Variants in CCN4 observed in about 807,000 individuals in gnomAD.
CCN4 encodes the protein cellular communication network factor 4.
CCN4 carries 30 observed loss-of-function variants against 36.7 expected under a neutral mutation model. The observed-to-expected ratio is 0.82, with a 90% CI of 0.61 to 1.11. The LOEUF is 1.11. Among genes scored for constraint, CCN4 ranks in the 50% least tolerant of loss-of-function variants. The probability of loss-of-function intolerance (pLI) is 0.00; values close to 1 mark genes in which losing one functional copy is unlikely to be tolerated. For synonymous variants in CCN4, 191 were observed against 195.4 expected, an observed-to-expected ratio of 0.98 and a Z score of 0.19; for missense variants, 505 against 504.9, an observed-to-expected ratio of 1.00 and a Z score of 0.00.
chr8:133,194,355 G>A (rs1853236219), intron 1 of CCN4, among the ~76,000 whole-genome samples: 2 of 116,674 alleles, frequency 1.7e-5, no homozygotes, highest in African/African-American at 3.3e-5. Flanking sequence ...GGGGGGTGGT[G>A]GTGTGTGGGG....
rs1344088999 is a variant in CCN4, at chr8:133,198,188, G to T, written c.69+6975G>T. Among the ~76,000 whole-genome samples the T allele has an allele frequency of 3.3e-5, 5 of 152,210 alleles. No individual in the cohort carries two copies. In the East Asian group the frequency reaches 9.6e-4, roughly 29 times the overall value. On this transcript the variant is annotated intron_variant, in intron 1 of 4. Coordinates refer to ENST00000250160, the MANE Select transcript of CCN4 (RefSeq NM_003882.4). The stretch of plus-strand genomic sequence containing the variant: ...GGGCAGATCCATCATTTAACAAGCA[G>T]CAGGGGAGCTCACGCTGCTGCTTCT...
intron 3 of CCN4, among the ~76,000 whole-genome samples, chr8:133,224,493 G>A (rs2929966): frequency 0.46 from 70,372 of 151,346 alleles, 16,599 homozygotes; most frequent in East Asian, 0.61. Flanking sequence ...ACCTGCTTTG[G>A]CCTCCCAAAG....
chr8:133,204,919 C>T (rs944759020), intron 1 of CCN4, among the ~76,000 whole-genome samples: 1 of 152,226 alleles, frequency 6.6e-6, no homozygotes, highest in African/African-American at 2.4e-5. Flanking sequence ...CATTCAGAAC[C>T]ACCTGGAAAA....
At chr8:133,226,456 TCTC>T (rs1395566209) in intron 4 of CCN4, among the ~76,000 whole-genome samples, 1 of 152,188 alleles carries the variant, frequency 6.6e-6, no homozygotes, top group East Asian at 1.9e-4. Flanking sequence ...TCTTCTTCCT[TCTC>T]CTTCTTCTCT....
At chr8:133,216,733 C>T (rs1241362383) in intron 2 of CCN4, among the ~76,000 whole-genome samples, 1 of 152,224 alleles carries the variant, frequency 6.6e-6, no homozygotes, top group Non-Finnish European at 1.5e-5. Context: ...AGCTGACAGA[C>T]TTGAGTTTTA....
intron 1 of CCN4, among the ~76,000 whole-genome samples, chr8:133,211,007 G>T (rs1223220120): frequency 3.3e-5 from 5 of 152,210 alleles, no homozygotes; most frequent in Non-Finnish European, 7.3e-5. Context: ...GTCGGGTTTT[G>T]TCTGTTGACT....
chr8:133,201,916 C>G (rs1244719213), intron 1 of CCN4, among the ~76,000 whole-genome samples: 1 of 152,100 alleles, frequency 6.6e-6, no homozygotes, highest in Non-Finnish European at 1.5e-5. Flanking sequence ...ACAAGACCAA[C>G]TAAGTGTTGA....
At chr8:133,216,839 A>T (rs1451516888) in intron 2 of CCN4, among the ~76,000 whole-genome samples, 1 of 152,250 alleles carries the variant, frequency 6.6e-6, no homozygotes, top group Non-Finnish European at 1.5e-5. Context: ...CAAAATAAAT[A>T]AGGAAATGTC....
rs1014144709 is a variant in CCN4, at chr8:133,228,596, G to C, written c.*886G>C. 5.3e-5 allele frequency: 8 copies of C among 152,216 alleles called. No homozygotes were observed. The highest frequency in any genetic ancestry group is 5.2e-4 in the Admixed American group (8 of 15,290). The allele number at this position is 152,216 out of a possible 1,614,324, so 9.4% of individuals were successfully genotyped here. ...ATTGGTAAGGCCTCTGGACTGGCCT[G>C]TCTGGCCCCTGAGAGTGGTGCCCTG... On this transcript the variant is annotated 3_prime_UTR_variant, in exon 5 of 5. Transcript: ENST00000250160.
chr8:133,194,612 T>G (rs1406248566), intron 1 of CCN4, among the ~76,000 whole-genome samples: 4 of 87,334 alleles, frequency 4.6e-5, no homozygotes, highest in Non-Finnish European at 6.9e-5. Context: ...GTGTGTGGGT[T>G]TGTGTAGTGT....
chr8:133,220,051 A>G (rs529886950), intron 2 of CCN4, among the ~76,000 whole-genome samples: 3 of 151,384 alleles, frequency 2.0e-5, no homozygotes, highest in Admixed American at 2.0e-4. Flanking sequence ...TGTAACTGCC[A>G]ACATTCCATA....
In CCN4 at chr8:133,212,911, G is replaced by A; in HGVS notation, c.117G>A (p.Leu39=). The A allele has an allele frequency of 6.2e-7, 1 of 1,611,138 alleles. No individual in the cohort carries two copies. The highest frequency in any genetic ancestry group is 8.5e-7 in the Non-Finnish European group (1 of 1,178,454). ...CCATGGACTTTACCCCAGCTCCACTGGAGGACACCTCCTCACGCCCCCAAT... is the reference window on the plus strand; with the variant it reads ...CCATGGACTTTACCCCAGCTCCACTAGAGGACACCTCCTCACGCCCCCAAT... ...PTTMDFTPAP[L]EDTSSRPQFC... is the part of the protein sequence containing the mutation. The change falls in exon 2 of 5, where the codon CTG becomes CTA. Residue 39 remains leucine, a synonymous_variant. Coordinates refer to ENST00000250160, the MANE Select transcript of CCN4 (RefSeq NM_003882.4).
At chr8:133,211,553 A>G (rs1387659507) in intron 1 of CCN4, among the ~76,000 whole-genome samples, 1 of 152,196 alleles carries the variant, frequency 6.6e-6, no homozygotes, top group African/African-American at 2.4e-5. Context: ...TAAAGGAGGA[A>G]AGAATTTGTC....
At chr8:133,213,178 T>A in intron 2 of CCN4, 35 bp downstream of exon 2, 1 of 1,572,850 alleles carries the variant, frequency 6.4e-7, no homozygotes, top group South Asian at 1.1e-5. Context: ...GACCAGCCCC[T>A]GAGCACCCCC....
intron 1 of CCN4, among the ~76,000 whole-genome samples, chr8:133,202,862 G>A (rs1853637753): frequency 6.6e-6 from 1 of 152,244 alleles, no homozygotes; most frequent in Non-Finnish European, 1.5e-5. Context: ...AGAGGTGTTT[G>A]TTACCTGTGG....
intron 1 of CCN4, among the ~76,000 whole-genome samples, chr8:133,210,772 C>T (rs959195378): frequency 2.0e-5 from 3 of 152,228 alleles, no homozygotes; most frequent in African/African-American, 7.2e-5. Context: ...AACCTCCAAA[C>T]ACACACAAAT....
intron 1 of CCN4, among the ~76,000 whole-genome samples, chr8:133,211,965 G>T (rs1179612440): frequency 1.3e-5 from 2 of 152,214 alleles, no homozygotes; most frequent in Non-Finnish European, 2.9e-5. Flanking sequence ...TGAAGCTCCT[G>T]CACTCAGACA....
At position 133,207,369 on chromosome 8, in the gene CCN4, G is replaced by A. The variant is rs185865626; in HGVS notation, c.70-5495G>A. 3.3e-3 allele frequency among the ~76,000 whole-genome samples: 500 copies of A among 152,320 alleles called. 3 individuals are homozygous for A. Among genetic ancestry groups the A allele is most frequent in the Non-Finnish European group, 5.0e-3 (340 of 68,032 alleles). Reference sequence around the variant, plus strand: ...TGAAGGGACAGGTACCCCCACATGGGGATCCAGCTATGTCCCAGGATCCCA... The same window carrying A: ...TGAAGGGACAGGTACCCCCACATGGAGATCCAGCTATGTCCCAGGATCCCA... On this transcript the variant is annotated intron_variant, in intron 1 of 4. Coordinates refer to ENST00000250160, the MANE Select transcript of CCN4 (RefSeq NM_003882.4).
chr8:133,193,363 G>C (rs1304507893), intron 1 of CCN4, among the ~76,000 whole-genome samples: 2 of 152,246 alleles, frequency 1.3e-5, no homozygotes, highest in African/African-American at 2.4e-5. Flanking sequence ...AGATTCTGCA[G>C]TGGAAGGAGG....
Sources: allele counts gnomAD v4.1 joint callset (sites outside exome capture counted in the v4.1 genomes callset), GRCh38; gene constraint gnomAD v4.1.1; transcripts MANE v1.5; gene names NCBI Gene and HGNC (gene_info 2026-07-23, HGNC 2026-07-21).